The following ZNF385D variants were observed in gnomAD, a reference collection of about 807,000 sequenced individuals.
The protein encoded by ZNF385D is zinc finger protein 385D.
In ZNF385D, 15 loss-of-function variants were observed where a neutral mutation model predicts 35.8. That is an observed-to-expected ratio of 0.42 (90% CI 0.28 to 0.64). The LOEUF (loss-of-function observed/expected upper bound fraction) is 0.64. Ranked by LOEUF, ZNF385D falls within the 30% of genes least tolerant of loss-of-function variation. The pLI is 0.23. For missense variants in ZNF385D, 474 were observed against 494.6 expected (o/e 0.96, Z 0.39); for synonymous variants, 212 against 186.8 (o/e 1.13, Z -1.10).
At chr3:21,467,597 G>A (rs1703601021) in intron 4 of ZNF385D, among the ~76,000 whole-genome samples, 1 of 152,146 alleles carries the variant, frequency 6.6e-6, no homozygotes, top group South Asian at 2.1e-4. Context: ...CTTTGTCCTG[G>A]CCTTAGATGC....
chr3:21,820,344 A>C (rs1275256487), intron 3 of ZNF385D, among the ~76,000 whole-genome samples: 2 of 151,874 alleles, frequency 1.3e-5, no homozygotes, highest in African/African-American at 2.4e-5. Context: ...AAATGAAAAG[A>C]AAAACAACAC....
chr3:21,430,937 A>G (rs1395293059), intron 5 of ZNF385D: 1 of 152,178 alleles, frequency 6.6e-6, no homozygotes, highest in African/African-American at 2.4e-5. Flanking sequence ...TTTTGTGTAA[A>G]CTAGTTTTAT....
intron 3 of ZNF385D, chr3:21,562,037 G>C (rs1328878634): frequency 7.1e-6 from 1 of 140,104 alleles, no homozygotes; most frequent in African/African-American, 2.8e-5. Context: ...GACCCAAAGT[G>C]ATTAGTCCAT....
At chr3:21,863,989 A>G (rs1697196133) in intron 3 of ZNF385D, among the ~76,000 whole-genome samples, 1 of 152,154 alleles carries the variant, frequency 6.6e-6, no homozygotes, top group Non-Finnish European at 1.5e-5. Flanking sequence ...CTTTCAGATG[A>G]TACTCATGAT....
At chr3:22,246,135 A>G (rs1175477258) in intron 2 of ZNF385D, among the ~76,000 whole-genome samples, 1 of 152,178 alleles carries the variant, frequency 6.6e-6, no homozygotes, top group Non-Finnish European at 1.5e-5. Context: ...GCAAACTTTT[A>G]TTCAAGCATT....
At chr3:21,617,339 A>C (rs1235156709) in intron 2 of ZNF385D, among the ~76,000 whole-genome samples, 1 of 152,184 alleles carries the variant, frequency 6.6e-6, no homozygotes, top group Non-Finnish European at 1.5e-5. Context: ...GTTTGTGAGA[A>C]CTGGGTTTGA....
chr3:21,952,873 G>A (rs632070), intron 3 of ZNF385D, among the ~76,000 whole-genome samples: 39,714 of 151,720 alleles, frequency 0.26, 5,929 homozygotes, highest in Admixed American at 0.41. Context: ...AATTTCTGAT[G>A]CCAAAGGTAG....
chr3:22,094,302 G>C (rs938255584), intron 3 of ZNF385D, among the ~76,000 whole-genome samples: 2 of 131,816 alleles, frequency 1.5e-5, no homozygotes, highest in East Asian at 2.2e-4. Flanking sequence ...CACTTGGCTA[G>C]GTATTTTATT....
intron 3 of ZNF385D, among the ~76,000 whole-genome samples, chr3:22,010,989 A>C (rs1384920382): frequency 6.6e-6 from 1 of 152,196 alleles, no homozygotes; most frequent in Non-Finnish European, 1.5e-5. Context: ...TCCTGGATAG[A>C]CTATTTCAAT....
intron 3 of ZNF385D, among the ~76,000 whole-genome samples, chr3:21,835,816 C>T (rs144471393): frequency 6.6e-6 from 1 of 152,202 alleles, no homozygotes; most frequent in African/African-American, 2.4e-5. Flanking sequence ...CAATAATTGT[C>T]CCTCCAACTA....
chr3:21,886,693 T>C (rs1475806054), intron 3 of ZNF385D, among the ~76,000 whole-genome samples: 2 of 152,276 alleles, frequency 1.3e-5, no homozygotes, highest in East Asian at 3.9e-4. Flanking sequence ...GATATATATT[T>C]ATGTGATAGC....
At chr3:21,949,740 T>C (rs929243407) in intron 3 of ZNF385D, among the ~76,000 whole-genome samples, 1 of 151,912 alleles carries the variant, frequency 6.6e-6, no homozygotes, top group African/African-American at 2.4e-5. Context: ...TGGTGTGTGA[T>C]GTTCCCCTCC....
At chr3:22,047,665 G>T (rs879867521) in intron 3 of ZNF385D, among the ~76,000 whole-genome samples, 63 of 152,196 alleles carry the variant, frequency 4.1e-4, no homozygotes, top group Admixed American at 7.9e-4. Context: ...TATGTAGGTT[G>T]ATTTCGTATC....
intron 3 of ZNF385D, among the ~76,000 whole-genome samples, chr3:21,763,945 C>G (rs2070724600): frequency 6.6e-6 from 1 of 152,108 alleles, no homozygotes; most frequent in Non-Finnish European, 1.5e-5. Flanking sequence ...ACTGGAGTAA[C>G]TAAGACAGAT....
intron 3 of ZNF385D, among the ~76,000 whole-genome samples, chr3:22,049,657 T>C (rs1198052667): frequency 6.6e-6 from 1 of 152,216 alleles, no homozygotes; most frequent in Non-Finnish European, 1.5e-5. Flanking sequence ...GGACTTATCA[T>C]ATATGGCCTT....
chr3:22,109,798 A>G (rs1049373998), intron 3 of ZNF385D, among the ~76,000 whole-genome samples: 3 of 152,306 alleles, frequency 2.0e-5, no homozygotes, highest in South Asian at 2.1e-4. Context: ...TAAACTAAAG[A>G]GCTTCTGCAC....
At chr3:22,143,059 T>TTGTGTGTG (rs57448532) in intron 3 of ZNF385D, among the ~76,000 whole-genome samples, 3,736 of 140,862 alleles carry the variant, frequency 0.027, 75 homozygotes, top group African/African-American at 0.04. Flanking sequence ...ATTAAATCGG[T>TTGTGTGTG]TGTGTGTGTG....
intron 3 of ZNF385D, among the ~76,000 whole-genome samples, chr3:22,023,899 CATACTGCTCTAAAGA>C (rs1470162402): frequency 1.3e-5 from 2 of 152,070 alleles, no homozygotes; most frequent in Non-Finnish European, 2.9e-5. Flanking sequence ...AGTTCGTTTT[CATACTGCTCTAAAGA>C]ATACCTGAGA....
Position 21,660,082 on chromosome 3 carries a change from C to T in ZNF385D, c.165+4804G>A, listed in dbSNP as rs139300866. Among the ~76,000 whole-genome samples, 169 of 151,978 alleles carry T rather than the reference C, an allele frequency of 1.1e-3. 1 individual carries two copies. Among genetic ancestry groups the T allele is most frequent in the African/African-American group, 4.0e-3 (167 of 41,528 alleles). ...GGTCCTTTGTAAAACTAGGAGTCAG[C>T]TGCTAGGACTTGATCTCTCTCTCTC... On this transcript the variant is annotated intron_variant, in intron 2 of 7. Coordinates refer to ENST00000281523, the MANE Select transcript of ZNF385D (RefSeq NM_024697.3).
Sources: allele counts gnomAD v4.1 joint callset (sites outside exome capture counted in the v4.1 genomes callset), GRCh38; gene constraint gnomAD v4.1.1; transcripts MANE v1.5; gene names NCBI Gene and HGNC (gene_info 2026-07-23, HGNC 2026-07-21).